SLIT3: variants seen among roughly 807,000 people sequenced by gnomAD.
SLIT3 encodes the protein slit homolog 3 protein.
Under a neutral mutation model 184.0 loss-of-function variants are expected in SLIT3, and 68 were observed. The ratio of observed to expected loss-of-function variants is 0.37; its 90% confidence interval spans 0.30 to 0.45. The LOEUF is 0.45. Among genes scored for constraint, SLIT3 ranks in the 20% least tolerant of loss-of-function variants. The pLI is 1.00. For missense variants in SLIT3, 1,707 were observed against 2,026.0 expected, an observed-to-expected ratio of 0.84 and a Z score of 3.02; for synonymous variants, 831 against 828.6, an observed-to-expected ratio of 1.00 and a Z score of -0.05.
At chr5:168,671,994 G>C (rs17070389) in intron 33 of SLIT3, among the ~76,000 whole-genome samples, 5,792 of 152,322 alleles carry the variant, frequency 0.038, 371 homozygotes, top group African/African-American at 0.13. Context: ...TTTTAGACCA[G>C]TTTGCTGCCT....
chr5:168,961,471 A>G (rs1763005437), intron 4 of SLIT3, among the ~76,000 whole-genome samples: 1 of 152,252 alleles, frequency 6.6e-6, no homozygotes, highest in Admixed American at 6.5e-5. Context: ...TTAATCAAAG[A>G]TTAACCAACA....
intron 4 of SLIT3, chr5:169,026,240 T>A (rs1756818296): frequency 6.6e-6 from 1 of 152,164 alleles, no homozygotes; most frequent in South Asian, 2.1e-4. Context: ...ACAGCCTAAT[T>A]TTAATATTAA....
chr5:168,795,998 A>G (rs1205708568), intron 9 of SLIT3, among the ~76,000 whole-genome samples: 3 of 152,140 alleles, frequency 2.0e-5, no homozygotes, highest in Admixed American at 1.3e-4. Context: ...CCATGTCACT[A>G]CTCAGTTAAA....
At chr5:168,833,209 G>C (rs1018053389) in intron 6 of SLIT3, among the ~76,000 whole-genome samples, 1 of 152,200 alleles carries the variant, frequency 6.6e-6, no homozygotes, top group African/African-American at 2.4e-5. Context: ...CAAACATATA[G>C]GCCACTTTTT....
chr5:168,870,579 A>G (rs1239499658), intron 5 of SLIT3, among the ~76,000 whole-genome samples: 1 of 152,110 alleles, frequency 6.6e-6, no homozygotes, highest in East Asian at 1.9e-4. Context: ...TGGCTTCTTG[A>G]CCCTGCCACG....
At chr5:168,838,203 C>A (rs1339964020) in intron 6 of SLIT3, among the ~76,000 whole-genome samples, 2 of 152,168 alleles carry the variant, frequency 1.3e-5, no homozygotes, top group African/African-American at 2.4e-5. Flanking sequence ...AGATATCAGG[C>A]AGAACTGGAT....
At chr5:168,833,284 C>T (rs1757936485) in intron 6 of SLIT3, among the ~76,000 whole-genome samples, 1 of 152,352 alleles carries the variant, frequency 6.6e-6, no homozygotes, top group East Asian at 1.9e-4. Flanking sequence ...GCATGAGGCT[C>T]TGTTCCTGGG....
chr5:168,815,124 C>T (rs567082683), intron 8 of SLIT3, among the ~76,000 whole-genome samples: 1 of 152,354 alleles, frequency 6.6e-6, no homozygotes, highest in Non-Finnish European at 1.5e-5. Flanking sequence ...TACTAAGAAG[C>T]TCCAGGGACC....
chr5:168,995,938 T>C (rs1156856570), intron 4 of SLIT3, among the ~76,000 whole-genome samples: 1 of 152,200 alleles, frequency 6.6e-6, no homozygotes, highest in East Asian at 1.9e-4. Context: ...AAAGCACTGG[T>C]ATTCTTTCTG....
At position 169,285,902 on chromosome 5, in the gene SLIT3, C is replaced by A. The variant is rs113157831; in HGVS notation, c.197+14611G>T. Among the ~76,000 whole-genome samples the A allele has an allele frequency of 7.4e-3, 1,128 of 152,290 alleles. 15 individuals are homozygous for A. The highest frequency in any genetic ancestry group is 0.026 in the African/African-American group (1,084 of 41,550). ...AGATGATGCCTCAGACTGTATGGAG[C>A]AGAAATAAGCCATCTCTACTGCACT... On this transcript the variant is annotated intron_variant, in intron 1 of 35. Transcript: ENST00000519560.
chr5:169,106,876 TG>T (rs2113246317), intron 4 of SLIT3, among the ~76,000 whole-genome samples: 1 of 152,336 alleles, frequency 6.6e-6, no homozygotes, highest in African/African-American at 2.4e-5. Context: ...GAGAGAGAGC[TG>T]GGGAGACAGT....
chr5:169,157,371 G>C (rs1019571478), intron 4 of SLIT3, among the ~76,000 whole-genome samples: 1 of 152,228 alleles, frequency 6.6e-6, no homozygotes, highest in African/African-American at 2.4e-5. Context: ...GGGAGGCCAT[G>C]TGGGAAACAG....
intron 4 of SLIT3, among the ~76,000 whole-genome samples, chr5:169,095,622 T>C (rs533127253): frequency 6.6e-6 from 1 of 152,286 alleles, no homozygotes; most frequent in East Asian, 1.9e-4. Flanking sequence ...GCTGTGGCAT[T>C]AGGTGTAACA....
intron 1 of SLIT3, among the ~76,000 whole-genome samples, chr5:169,255,980 C>T (rs181843286): frequency 3.9e-5 from 6 of 152,334 alleles, no homozygotes; most frequent in East Asian, 1.9e-4. Context: ...GTCAAGTCAA[C>T]AGTAGTGAAT....
At position 168,984,810 on chromosome 5, in the gene SLIT3, A is replaced by C. The variant is rs575619946; in HGVS notation, c.414-101474T>G. Among the ~76,000 whole-genome samples, 25 of 152,286 alleles carry C rather than the reference A, an allele frequency of 1.6e-4. 1 individual carries two copies. In the South Asian group the frequency reaches 3.9e-3, roughly 24 times the overall value. On this transcript the variant is annotated intron_variant, in intron 4 of 35. Coordinates refer to ENST00000519560, the MANE Select transcript of SLIT3 (RefSeq NM_003062.4). ...GGATACATCACAGAAAAACATCCCA[A>C]ACTTTAGTGGCCTTATCAACCCAGG...
intron 4 of SLIT3, among the ~76,000 whole-genome samples, chr5:168,885,591 T>C (rs190235507): frequency 6.6e-6 from 1 of 152,320 alleles, no homozygotes; most frequent in East Asian, 1.9e-4. Context: ...AGCTGGTCTG[T>C]AGGCCACCGA....
intron 4 of SLIT3, among the ~76,000 whole-genome samples, chr5:169,184,321 A>G (rs574170956): frequency 1.3e-5 from 2 of 152,366 alleles, no homozygotes; most frequent in Admixed American, 1.3e-4. Context: ...TCACAGGAGT[A>G]AGAGGGTGAG....
At chr5:168,941,985 C>A (rs1762348131) in intron 4 of SLIT3, among the ~76,000 whole-genome samples, 1 of 152,172 alleles carries the variant, frequency 6.6e-6, no homozygotes, top group Non-Finnish European at 1.5e-5. Flanking sequence ...CACCTTTCCT[C>A]CAGCCACCAC....
chr5:169,118,132 C>A (rs1297841483), intron 4 of SLIT3, among the ~76,000 whole-genome samples: 2 of 152,132 alleles, frequency 1.3e-5, no homozygotes, highest in Non-Finnish European at 2.9e-5. Context: ...GAGCTATGAT[C>A]ACATTAATTC....
Sources: allele counts gnomAD v4.1 joint callset (sites outside exome capture counted in the v4.1 genomes callset), GRCh38; gene constraint gnomAD v4.1.1; transcripts MANE v1.5; gene names NCBI Gene and HGNC (gene_info 2026-07-23, HGNC 2026-07-21).